SLC9A9: variants seen among roughly 807,000 people sequenced by gnomAD.
SLC9A9 encodes solute carrier family 9 member A9, also known as sodium/hydrogen exchanger 9.
SLC9A9 carries 62 observed loss-of-function variants against 77.8 expected under a neutral mutation model. The ratio of observed to expected loss-of-function variants is 0.80; its 90% CI spans 0.65 to 0.98. The LOEUF is 0.98. Ranked by LOEUF, SLC9A9 falls within the 50% of genes least tolerant of loss-of-function variation. The pLI is 0.00. For missense variants in SLC9A9, 775 were observed against 774.9 expected (o/e 1.00, Z 0.00); for synonymous variants, 320 against 283.5 (o/e 1.13, Z -1.29).
chr3:143,636,489 G>T (rs771595178), intron 6 of SLC9A9, among the ~76,000 whole-genome samples: 4 of 151,998 alleles, frequency 2.6e-5, no homozygotes, highest in Non-Finnish European at 4.4e-5. Context: ...TATTTTTATA[G>T]ATTTAGGGGG....
intron 14 of SLC9A9, among the ~76,000 whole-genome samples, chr3:143,355,385 AGT>A (rs1341376680): frequency 1.3e-5 from 2 of 152,208 alleles, no homozygotes; most frequent in African/African-American, 2.4e-5. Flanking sequence ...CACTGTTCTA[AGT>A]GTTTTGTGTT....
At chr3:143,821,099 T>A (rs1322239721) in intron 2 of SLC9A9, among the ~76,000 whole-genome samples, 1 of 152,154 alleles carries the variant, frequency 6.6e-6, no homozygotes, top group Non-Finnish European at 1.5e-5. Flanking sequence ...GGAAGCTGTG[T>A]GTGCTGAAAT....
intron 6 of SLC9A9, among the ~76,000 whole-genome samples, chr3:143,618,738 C>T (rs1055983895): frequency 6.6e-6 from 1 of 152,168 alleles, no homozygotes; most frequent in African/African-American, 2.4e-5. Flanking sequence ...CCTCATCTAA[C>T]AGTAAGAAGT....
chr3:143,677,652 C>T (rs1433222742), intron 5 of SLC9A9, among the ~76,000 whole-genome samples: 1 of 152,120 alleles, frequency 6.6e-6, no homozygotes, highest in Non-Finnish European at 1.5e-5. Context: ...TTTCCTGCAA[C>T]CCTGCCAGCA....
chr3:143,358,868 G>A (rs761792111), intron 14 of SLC9A9, among the ~76,000 whole-genome samples: 2 of 152,202 alleles, frequency 1.3e-5, no homozygotes, highest in African/African-American at 2.4e-5. Flanking sequence ...CTCAGACAGA[G>A]AATGGCTTCT....
chr3:143,618,961 C>T (rs1249629817), intron 6 of SLC9A9, among the ~76,000 whole-genome samples: 1 of 152,122 alleles, frequency 6.6e-6, no homozygotes, highest in East Asian at 1.9e-4. Flanking sequence ...AACCATGAAA[C>T]CCTGCATTTT....
intron 4 of SLC9A9, among the ~76,000 whole-genome samples, chr3:143,719,968 T>A (rs1455174759): frequency 6.6e-6 from 1 of 152,058 alleles, no homozygotes; most frequent in Non-Finnish European, 1.5e-5. Flanking sequence ...AAATGCCCAA[T>A]CATTATTCAA....
chr3:143,783,973 A>T (rs1425060595), intron 4 of SLC9A9, among the ~76,000 whole-genome samples: 1 of 152,246 alleles, frequency 6.6e-6, no homozygotes, highest in Non-Finnish European at 1.5e-5. Context: ...TTCCCAAAGC[A>T]CCAGCACCAG....
At chr3:143,693,138 T>G in intron 5 of SLC9A9, 54 bp downstream of exon 5, 1 of 1,390,826 alleles carries the variant, frequency 7.2e-7, no homozygotes, top group Non-Finnish European at 1.0e-6. Flanking sequence ...GGAGAAACAT[T>G]CAATTTAAAT....
At chr3:143,778,549 T>C (rs1430787660) in intron 4 of SLC9A9, among the ~76,000 whole-genome samples, 2 of 151,816 alleles carry the variant, frequency 1.3e-5, no homozygotes, top group Admixed American at 6.6e-5. Flanking sequence ...TGTAATCTCA[T>C]ACAACTAGAA....
At chr3:143,698,768 T>C (rs1321930430) in intron 4 of SLC9A9, among the ~76,000 whole-genome samples, 1 of 152,152 alleles carries the variant, frequency 6.6e-6, no homozygotes, top group Admixed American at 6.5e-5. Context: ...TTTTTTGAAT[T>C]GTTAGGGATA....
intron 2 of SLC9A9, among the ~76,000 whole-genome samples, chr3:143,824,493 C>T (rs186952565): frequency 8.1e-4 from 124 of 152,258 alleles, no homozygotes; most frequent in African/African-American, 2.6e-3. Context: ...CCCTTCACTC[C>T]GAACCTTCTA....
At chr3:143,604,356 A>T (rs2108689600) in intron 6 of SLC9A9, among the ~76,000 whole-genome samples, 1 of 152,366 alleles carries the variant, frequency 6.6e-6, no homozygotes, top group African/African-American at 2.4e-5. Flanking sequence ...ACAAGAAGTA[A>T]GGTTTTCTCT....
intron 6 of SLC9A9, among the ~76,000 whole-genome samples, chr3:143,641,698 T>C (rs1023567826): frequency 3.3e-5 from 5 of 152,212 alleles, no homozygotes; most frequent in Non-Finnish European, 7.3e-5. Context: ...CGGCCTGTTG[T>C]CGCAGTCTTT....
At chr3:143,692,254 T>C (rs1933493464) in intron 5 of SLC9A9, among the ~76,000 whole-genome samples, 1 of 152,134 alleles carries the variant, frequency 6.6e-6, no homozygotes, top group Non-Finnish European at 1.5e-5. Context: ...TCCATTGTAA[T>C]ATGCTGCCCT....
At chr3:143,807,716 G>A (rs2008760219) in intron 2 of SLC9A9, among the ~76,000 whole-genome samples, 1 of 152,192 alleles carries the variant, frequency 6.6e-6, no homozygotes, top group Non-Finnish European at 1.5e-5. Context: ...TTGCACTGCA[G>A]CCTGGGCAAT....
At chr3:143,339,527 C>A (rs1576434327) in intron 14 of SLC9A9, among the ~76,000 whole-genome samples, 1 of 37,346 alleles carries the variant, frequency 2.7e-5, no homozygotes, top group African/African-American at 3.0e-4. Context: ...ATGTTACATT[C>A]CCCCCCTTCT....
At chr3:143,551,210 T>G (rs1225345491) in intron 9 of SLC9A9, among the ~76,000 whole-genome samples, 1 of 152,018 alleles carries the variant, frequency 6.6e-6, no homozygotes, top group East Asian at 1.9e-4. Flanking sequence ...GAGAGAGAGA[T>G]AGAACAGATT....
At chr3:143,832,293 A>G in intron 1 of SLC9A9, 72 bp from the exon 2 acceptor site, 2 of 1,335,274 alleles carry the variant, frequency 1.5e-6, no homozygotes, top group Non-Finnish European at 2.1e-6. Context: ...AACCTATATG[A>G]TTTGGAACCT....
Sources: gnomAD v4.1 joint callset for allele counts (sites outside exome capture counted in the v4.1 genomes callset) on GRCh38, gnomAD v4.1.1 for gene constraint, MANE v1.5 for transcripts, NCBI Gene and HGNC (gene_info 2026-07-23, HGNC 2026-07-21) for gene names.